The following NKAIN3 variants were observed in gnomAD, a reference collection of about 807,000 sequenced individuals.
The protein encoded by NKAIN3 is sodium/potassium-transporting ATPase subunit beta-1-interacting protein 3.
Under a neutral mutation model 30.2 loss-of-function variants are expected in NKAIN3, and 25 were observed. That is an observed-to-expected ratio of 0.83 (90% CI 0.60 to 1.16). NKAIN3 has a LOEUF of 1.16. NKAIN3 is among the 50% of genes most tolerant of loss of function. The pLI is 0.00. For missense variants in NKAIN3, 225 were observed against 254.1 expected (o/e 0.89, Z 0.78); for synonymous variants, 91 against 89.6 (o/e 1.02, Z -0.09).
intron 4 of NKAIN3, among the ~76,000 whole-genome samples, chr8:62,782,501 C>A (rs1345989687): frequency 6.7e-6 from 1 of 150,232 alleles, no homozygotes; most frequent in African/African-American, 2.5e-5. Flanking sequence ...TTCACAATAG[C>A]AAAGATTTGG....
chr8:62,574,699 C>T (rs752145868), intron 1 of NKAIN3, among the ~76,000 whole-genome samples: 3 of 152,206 alleles, frequency 2.0e-5, no homozygotes, highest in African/African-American at 4.8e-5. Context: ...TACACCCTTG[C>T]CAGCATTTGC....
At chr8:62,257,058 A>G (rs960600618) in intron 1 of NKAIN3, among the ~76,000 whole-genome samples, 3 of 152,198 alleles carry the variant, frequency 2.0e-5, no homozygotes, top group African/African-American at 7.2e-5. Flanking sequence ...AAACAAGCTA[A>G]TTAACACATT....
intron 3 of NKAIN3, among the ~76,000 whole-genome samples, chr8:62,616,137 G>T (rs1217458650): frequency 6.6e-6 from 1 of 152,014 alleles, no homozygotes; most frequent in East Asian, 1.9e-4. Flanking sequence ...CTAATTTTGT[G>T]GGTTTTTGCT....
intron 1 of NKAIN3, among the ~76,000 whole-genome samples, chr8:62,477,507 G>A (rs1397190248): frequency 6.6e-6 from 1 of 152,128 alleles, no homozygotes; most frequent in Non-Finnish European, 1.5e-5. Context: ...TCAGAGTCCG[G>A]GAAACTATTC....
chr8:62,914,286 T>C (rs1430114016), intron 4 of NKAIN3, among the ~76,000 whole-genome samples: 1 of 152,152 alleles, frequency 6.6e-6, no homozygotes, highest in African/African-American at 2.4e-5. Flanking sequence ...AAATGAGAGC[T>C]AAATGATAAG....
intron 1 of NKAIN3, among the ~76,000 whole-genome samples, chr8:62,388,669 C>T (rs1271815012): frequency 6.6e-6 from 1 of 152,192 alleles, no homozygotes; most frequent in East Asian, 1.9e-4. Flanking sequence ...ATCAAAGTTG[C>T]ATTATCCTAA....
chr8:62,475,592 A>C (rs1187006588), intron 1 of NKAIN3, among the ~76,000 whole-genome samples: 1 of 152,198 alleles, frequency 6.6e-6, no homozygotes, highest in Non-Finnish European at 1.5e-5. Context: ...TCCCTAAAGA[A>C]AGCTTGTACC....
intron 3 of NKAIN3, among the ~76,000 whole-genome samples, chr8:62,664,528 T>C (rs1373214651): frequency 6.6e-6 from 1 of 152,174 alleles, no homozygotes; most frequent in Non-Finnish European, 1.5e-5. Flanking sequence ...TTTCATATAG[T>C]GGATTCCTCT....
chr8:62,364,754 C>CGT (rs948451821), intron 1 of NKAIN3, among the ~76,000 whole-genome samples: 1 of 135,538 alleles, frequency 7.4e-6, no homozygotes, highest in Non-Finnish European at 1.5e-5. Context: ...AGGAGAATGG[C>CGT]GTGAACCTGG....
intron 4 of NKAIN3, among the ~76,000 whole-genome samples, chr8:62,860,374 GA>G (rs1252373274): frequency 6.6e-6 from 1 of 152,170 alleles, no homozygotes; most frequent in African/African-American, 2.4e-5. Flanking sequence ...CATGTAAAAT[GA>G]AATCATACCA....
At chr8:62,810,033 A>G (rs537419759) in intron 4 of NKAIN3, among the ~76,000 whole-genome samples, 1 of 152,134 alleles carries the variant, frequency 6.6e-6, no homozygotes, top group Non-Finnish European at 1.5e-5. Flanking sequence ...ACAGGGTCCA[A>G]GGTGGAAGTC....
intron 1 of NKAIN3, among the ~76,000 whole-genome samples, chr8:62,283,251 T>G (rs969050150): frequency 6.0e-5 from 9 of 151,072 alleles, no homozygotes; most frequent in Non-Finnish European, 1.3e-4. Context: ...ATCTTTTGCT[T>G]TCTTGAGACC....
chr8:62,326,000 TTTAGTTTAA>T (rs1815109530), intron 1 of NKAIN3, among the ~76,000 whole-genome samples: 1 of 152,070 alleles, frequency 6.6e-6, no homozygotes, highest in Admixed American at 6.6e-5. Context: ...GAAATAGCTT[TTTAGTTTAA>T]TTAGTTTAAT....
Position 62,810,469 on chromosome 8 carries a change from C to G in NKAIN3, c.471+63340C>G, listed in dbSNP as rs546809415. On this transcript the variant is annotated intron_variant, in intron 4 of 6. Transcript: ENST00000623646. ...TCGCTTTAAGGACAACCACAAGTCA[C>G]TTAGACTCCATGGGCTTCAGTTTTT... 2.2e-3 allele frequency among the ~76,000 whole-genome samples: 330 copies of G among 152,182 alleles called. 2 individuals carry two copies. The highest frequency in any genetic ancestry group is 7.2e-3 in the African/African-American group (298 of 41,528).
intron 1 of NKAIN3, among the ~76,000 whole-genome samples, chr8:62,513,035 T>A (rs1472513638): frequency 6.6e-6 from 1 of 152,040 alleles, no homozygotes; most frequent in Non-Finnish European, 1.5e-5. Context: ...CATCATGAGA[T>A]CCACTTTTGA....
intron 6 of NKAIN3, among the ~76,000 whole-genome samples, 184 bp downstream of exon 6, chr8:62,954,156 T>C (rs1255300213): frequency 1.3e-5 from 2 of 152,216 alleles, no homozygotes; most frequent in South Asian, 2.1e-4. Flanking sequence ...AAAAAGGATT[T>C]GAAGCTGGTG....
chr8:62,940,081 T>A (rs180761070), intron 5 of NKAIN3, among the ~76,000 whole-genome samples: 108 of 150,510 alleles, frequency 7.2e-4, no homozygotes, highest in Non-Finnish European at 1.2e-3. Context: ...TCCATGTAAA[T>A]GGACACCAAA....
chr8:62,517,342 C>T (rs1808022543), intron 1 of NKAIN3, among the ~76,000 whole-genome samples: 1 of 151,994 alleles, frequency 6.6e-6, no homozygotes, highest in African/African-American at 2.4e-5. Flanking sequence ...TCTTACTAAG[C>T]AAAGTCTGCT....
intron 4 of NKAIN3, among the ~76,000 whole-genome samples, chr8:62,877,418 G>A (rs1405952354): frequency 6.6e-6 from 1 of 152,178 alleles, no homozygotes; most frequent in African/African-American, 2.4e-5. Flanking sequence ...TGAGGGGAGT[G>A]GGGGTCAGGA....
Sources: allele counts gnomAD v4.1 joint callset (sites outside exome capture counted in the v4.1 genomes callset), GRCh38; gene constraint gnomAD v4.1.1; transcripts MANE v1.5; gene names NCBI Gene and HGNC (gene_info 2026-07-23, HGNC 2026-07-21).